CALN1: variants seen among roughly 807,000 people sequenced by gnomAD.
The protein encoded by CALN1 is calcium-binding protein 8.
In CALN1, 17 loss-of-function variants were observed where a neutral mutation model predicts 30.6. The observed-to-expected ratio is 0.56, with a 90% CI of 0.38 to 0.83. CALN1 has a LOEUF of 0.83. Among genes scored for constraint, CALN1 ranks in the 40% least tolerant of loss-of-function variants. The pLI, the probability that CALN1 is intolerant of heterozygous loss-of-function variation, is 0.00. For missense variants in CALN1, 291 were observed against 354.9 expected (o/e 0.82, Z 1.45); for synonymous variants, 156 against 131.4 (o/e 1.19, Z -1.28).
intron 3 of CALN1, among the ~76,000 whole-genome samples, chr7:72,217,831 AATT>A (rs1437225056): frequency 1.7e-4 from 23 of 133,052 alleles, no homozygotes; most frequent in East Asian, 9.2e-4. Flanking sequence ...AAATTAAATA[AATT>A]TTTTTTTTTT....
intron 3 of CALN1, among the ~76,000 whole-genome samples, chr7:72,210,217 C>G (rs1477880072): frequency 6.6e-6 from 1 of 152,106 alleles, no homozygotes; most frequent in African/African-American, 2.4e-5. Flanking sequence ...ACGGCCTCCC[C>G]TTGAGGCATG....
chr7:72,409,212 T>C (rs946890023), intron 1 of CALN1, among the ~76,000 whole-genome samples: 1 of 151,648 alleles, frequency 6.6e-6, no homozygotes, highest in East Asian at 2.0e-4. Flanking sequence ...GCCAGGCTGG[T>C]CTCCAAGTCC....
chr7:72,193,044 C>T (rs940322223), intron 3 of CALN1, among the ~76,000 whole-genome samples: 1 of 151,766 alleles, frequency 6.6e-6, no homozygotes, highest in Admixed American at 6.6e-5. Context: ...AAAAATTAGC[C>T]GGGAGTGGTA....
chr7:72,364,064 T>A (rs1284796645), intron 2 of CALN1, among the ~76,000 whole-genome samples: 2 of 148,798 alleles, frequency 1.3e-5, no homozygotes, highest in African/African-American at 2.5e-5. Flanking sequence ...AAAATTGCAG[T>A]AAAAAAAAAA....
chr7:71,893,750 G>T (rs1232753750), intron 5 of CALN1, among the ~76,000 whole-genome samples: 2 of 151,828 alleles, frequency 1.3e-5, no homozygotes, highest in African/African-American at 4.8e-5. Flanking sequence ...GCTATTCTCG[G>T]GATGTCAAGA....
chr7:71,841,400 T>G (rs1435838977), intron 5 of CALN1, among the ~76,000 whole-genome samples: 1 of 152,208 alleles, frequency 6.6e-6, no homozygotes, highest in Non-Finnish European at 1.5e-5. Flanking sequence ...GGAATCATCA[T>G]GGGCCAATTC....
chr7:72,125,070 C>T (rs1373284591), intron 3 of CALN1, among the ~76,000 whole-genome samples: 1 of 152,084 alleles, frequency 6.6e-6, no homozygotes, highest in East Asian at 1.9e-4. Context: ...ACTTTGTCAC[C>T]TGGGCTGGCG....
Position 72,331,935 on chromosome 7 carries a change from A to G in CALN1, c.120-53125T>C, listed in dbSNP as rs149039056. Among the ~76,000 whole-genome samples the G allele has an allele frequency of 1.5e-3, 221 of 152,254 alleles. 1 individual carries two copies. Among genetic ancestry groups the G allele is most frequent in the African/African-American group, 4.6e-3 (193 of 41,526 alleles). On this transcript the variant is annotated intron_variant, in intron 2 of 6. Transcript: ENST00000395275. The stretch of plus-strand genomic sequence containing the variant: ...TGTTCTCATCACTTAGCTTCCACTT[A>G]TAAGTGAGAACATGCAGTATTTGAT...
At chr7:72,306,630 AAAG>A (rs199522606) in intron 2 of CALN1, among the ~76,000 whole-genome samples, 26,319 of 150,428 alleles carry the variant, frequency 0.17, 3,091 homozygotes, top group East Asian at 0.4. Flanking sequence ...CTAAAAAAAA[AAAG>A]AAGAAAAAAA....
At chr7:72,400,365 T>C (rs1017299943) in intron 2 of CALN1, among the ~76,000 whole-genome samples, 3 of 152,178 alleles carry the variant, frequency 2.0e-5, no homozygotes, top group Non-Finnish European at 2.9e-5. Context: ...CAGATAGCTA[T>C]TTGACAGGAA....
intron 5 of CALN1, among the ~76,000 whole-genome samples, chr7:71,897,992 AGAGAGAGAGAGGGAGGGAGGGGGGGGG>A (rs1433487441): frequency 2.0e-3 from 193 of 96,908 alleles, no homozygotes; most frequent in African/African-American, 8.1e-3. Context: ...AAAAAAAAAA[AGAGAGAGAGAGGGAGGGAGGGGGGGGG>A]AGAGAGAGAG....
chr7:71,937,151 T>C lies in CALN1; in HGVS notation c.501+86506A>G, dbSNP rs556247767. ...TAGGAAACCCTGTCTCTACTAAAAA[T>C]ACAAAAGTAGCTGGGCATGGTGGTG... is the stretch of plus-strand genomic sequence containing the variant. On this transcript the variant is annotated intron_variant, in intron 5 of 6. Coordinates refer to ENST00000395275, the MANE Select transcript of CALN1 (RefSeq NM_031468.4). Among the ~76,000 whole-genome samples the C allele has an allele frequency of 1.2e-4, 18 of 152,190 alleles. No individual in the cohort carries two copies. The South Asian group carries it at 3.1e-3, about 26-fold the overall frequency.
At chr7:72,411,290 C>T (rs1040240554) in intron 1 of CALN1, among the ~76,000 whole-genome samples, 1 of 151,936 alleles carries the variant, frequency 6.6e-6, no homozygotes, top group Admixed American at 6.6e-5. Context: ...TACTTTAGAA[C>T]ATAATATTTT....
At chr7:71,871,027 T>C (rs145592683) in intron 5 of CALN1, among the ~76,000 whole-genome samples, 34 of 152,128 alleles carry the variant, frequency 2.2e-4, no homozygotes, top group African/African-American at 7.7e-4. Context: ...CACGCACCTG[T>C]TGAAGGAATG....
chr7:72,500,261 C>G, the CALN1 span, among the ~76,000 whole-genome samples: 1 of 96,052 alleles, frequency 1.0e-5, no homozygotes, highest in Admixed American at 1.2e-4. Flanking sequence ...AACTTCTGTT[C>G]GTTCCTTCTT....
chr7:72,425,911 A>G (rs1223470261), intron 1 of CALN1, among the ~76,000 whole-genome samples: 2 of 151,910 alleles, frequency 1.3e-5, no homozygotes, highest in Non-Finnish European at 2.9e-5. Flanking sequence ...CAATAATTAC[A>G]ATCAAACTCC....
At chr7:71,990,513 C>T (rs959518624) in intron 5 of CALN1, among the ~76,000 whole-genome samples, 4 of 151,622 alleles carry the variant, frequency 2.6e-5, no homozygotes, top group Non-Finnish European at 5.9e-5. Flanking sequence ...AGTCCAGTGG[C>T]GTAATCTCGG....
At chr7:72,054,114 AG>A (rs1400872174) in intron 4 of CALN1, among the ~76,000 whole-genome samples, 1 of 152,062 alleles carries the variant, frequency 6.6e-6, no homozygotes, top group Non-Finnish European at 1.5e-5. Context: ...CGCATGTGCA[AG>A]TACCTTTTTT....
intron 6 of CALN1, among the ~76,000 whole-genome samples, chr7:71,807,571 G>A (rs769749795): frequency 6.6e-6 from 1 of 152,146 alleles, no homozygotes; most frequent in Non-Finnish European, 1.5e-5. Flanking sequence ...CGTCCCAGAG[G>A]TCATACAAGA....
Sources: gnomAD v4.1 joint callset for allele counts (sites outside exome capture counted in the v4.1 genomes callset) on GRCh38, gnomAD v4.1.1 for gene constraint, MANE v1.5 for transcripts, NCBI Gene and HGNC (gene_info 2026-07-23, HGNC 2026-07-21) for gene names.